The following VPS33A variants were observed in gnomAD, a reference collection of about 807,000 sequenced individuals.
The protein encoded by VPS33A is VPS33A core subunit of CORVET and HOPS complexes, also known as vacuolar protein sorting-associated protein 33A.
In VPS33A, 32 loss-of-function variants were observed where a neutral mutation model predicts 71.8. That is an observed-to-expected ratio of 0.45 (90% CI 0.34 to 0.60). The LOEUF is 0.60. Among genes scored for constraint, VPS33A ranks in the 20% least tolerant of loss-of-function variants. The pLI is 0.02. For missense variants in VPS33A, 625 were observed against 748.5 expected (o/e 0.84, Z 1.92); for synonymous variants, 311 against 292.7 (o/e 1.06, Z -0.64).
chr12:122,254,172 T>C (rs1954883291), intron 4 of VPS33A, among the ~76,000 whole-genome samples: 1 of 152,128 alleles, frequency 6.6e-6, no homozygotes, highest in South Asian at 2.1e-4. Flanking sequence ...AATTCCCACA[T>C]TTTACACAGA....
chr12:122,262,355 T>C (rs984211698), intron 3 of VPS33A, among the ~76,000 whole-genome samples: 5 of 152,298 alleles, frequency 3.3e-5, no homozygotes, highest in Admixed American at 2.0e-4. Context: ...TTGATTGAAA[T>C]AGGATATCTG....
At chr12:122,249,140 GCAGA>G in intron 6 of VPS33A, 1 of 152,206 alleles carries the variant, frequency 6.6e-6, no homozygotes, top group South Asian at 2.1e-4. Flanking sequence ...ACATACATAT[GCAGA>G]CACATATATA....
Position 122,254,271 on chromosome 12 carries a change from G to A in VPS33A, c.484-3172C>T, listed in dbSNP as rs571162118. Among the ~76,000 whole-genome samples, 51 of 152,116 alleles carry A rather than the reference G, an allele frequency of 3.4e-4. 1 individual carries two copies. The highest frequency in any genetic ancestry group is 1.2e-3 in the African/African-American group (49 of 41,502). On this transcript the variant is annotated intron_variant, in intron 4 of 12. Transcript: ENST00000267199. Reference sequence around the variant, plus strand: ...AGCCAATCACAGAAATACGATTAACGTCATCTCCACCAAAAATCGGGGCTG... The same window carrying A: ...AGCCAATCACAGAAATACGATTAACATCATCTCCACCAAAAATCGGGGCTG...
intron 1 of VPS33A, among the ~76,000 whole-genome samples, chr12:122,264,433 C>G (rs1283866182): frequency 6.6e-6 from 1 of 152,098 alleles, no homozygotes; most frequent in Non-Finnish European, 1.5e-5. Flanking sequence ...CTGTGTTGCC[C>G]AGGCTAGCGT....
chr12:122,240,159 C>T (rs1196778241), intron 8 of VPS33A, among the ~76,000 whole-genome samples: 1 of 151,986 alleles, frequency 6.6e-6, no homozygotes, highest in African/African-American at 2.4e-5. Flanking sequence ...CAAACCCCAT[C>T]TCTACCAAAA....
chr12:122,252,051 A>T (rs563589263), intron 4 of VPS33A, among the ~76,000 whole-genome samples: 1 of 152,062 alleles, frequency 6.6e-6, no homozygotes, highest in East Asian at 1.9e-4. Flanking sequence ...TGAGCTCTTG[A>T]GTTTGAGACC....
chr12:122,236,065 C>T, intron 10 of VPS33A, 142 bp from the exon 11 acceptor site: 5 of 1,018,078 alleles, frequency 4.9e-6, no homozygotes, highest in Non-Finnish European at 7.1e-6. Flanking sequence ...TGGATGGGCA[C>T]AGAGGACAGG....
At chr12:122,261,470 T>C (rs1271818392) in intron 3 of VPS33A, 23 bp from the exon 4 acceptor site, 1 of 1,611,842 alleles carries the variant, frequency 6.2e-7, no homozygotes, top group Non-Finnish European at 8.5e-7. Flanking sequence ...CAACATTTGT[T>C]AGCTTATGAG....
intron 1 of VPS33A, among the ~76,000 whole-genome samples, chr12:122,264,468 G>A (rs778968472): frequency 3.9e-5 from 6 of 152,116 alleles, no homozygotes; most frequent in Non-Finnish European, 7.4e-5. Flanking sequence ...TCAGCGTACT[G>A]CAACCTCTGC....
rs1435309862 is a variant in VPS33A, at chr12:122,238,835, GTTTA to G, written c.1165-115_1165-112del. ...ACATGGTTTAGGAACTTAACTTGAT[GTTTA>G]TTATTATTTTTCAAAGTCCAATAAA... On this transcript the variant is annotated intron_variant, in intron 9 of 12. Transcript: ENST00000267199. 7.8e-6 allele frequency: 9 copies of G among 1,154,378 alleles called. No individual in the cohort carries two copies. In the South Asian group the frequency reaches 1.3e-4, roughly 16 times the overall value. The allele number at this position is 1,154,378 out of a possible 1,614,324, so 71.5% of individuals were successfully genotyped here. A position where few individuals can be genotyped will look rare whatever the true frequency, so the allele number is the denominator to read the frequency against.
Position 122,264,092 on chromosome 12 carries a change from AG to A in VPS33A, c.168+41del, listed in dbSNP as rs754075774. The A allele has an allele frequency of 1.3e-5, 19 of 1,449,112 alleles. No homozygotes were observed. In the South Asian group the frequency reaches 2.3e-4, roughly 18 times the overall value. 89.8% of individuals were successfully genotyped at this position (1,449,112 alleles called of 1,614,324 possible). On this transcript the variant is annotated intron_variant, in intron 2 of 12. Transcript: ENST00000267199. The stretch of plus-strand genomic sequence containing the variant: ...AATCCTATTGTAACTGCTAAAGTAC[AG>A]AATTATTAATCCCCTAACAAAACCC...
chr12:122,241,835 T>C (rs907253814), intron 8 of VPS33A, among the ~76,000 whole-genome samples: 6 of 152,000 alleles, frequency 3.9e-5, no homozygotes, highest in African/African-American at 1.2e-4. Flanking sequence ...TCAAGTGATC[T>C]GCCTGCCTCA....
chr12:122,245,353 A>T (rs1954763686), intron 6 of VPS33A, among the ~76,000 whole-genome samples: 1 of 152,042 alleles, frequency 6.6e-6, no homozygotes, highest in Non-Finnish European at 1.5e-5. Context: ...TACATTTCTT[A>T]CTGTGGATTG....
At chr12:122,250,767 T>C (rs1566046304) in intron 5 of VPS33A, among the ~76,000 whole-genome samples, 1 of 152,158 alleles carries the variant, frequency 6.6e-6, no homozygotes, top group Non-Finnish European at 1.5e-5. Flanking sequence ...TGCGCAGTGG[T>C]TACTCAAACT....
chr12:122,265,814 T>C (rs1955060658), intron 1 of VPS33A: 15 of 426,072 alleles, frequency 3.5e-5, no homozygotes, highest in South Asian at 2.4e-4. Flanking sequence ...AAAAGGGTGC[T>C]ACTAGAGAAG....
rs73421716 is a variant in VPS33A, at chr12:122,230,233, A to G, written c.*2013T>C. The G allele has an allele frequency of 2.6e-5, 4 of 152,180 alleles. No individual in the cohort carries two copies. The highest frequency in any genetic ancestry group is 9.7e-5 in the African/African-American group (4 of 41,440). 9.4% of individuals were successfully genotyped at this position (152,180 alleles called of 1,614,324 possible). A position where few individuals can be genotyped will look rare whatever the true frequency, so the allele number is the denominator to read the frequency against. On this transcript the variant is annotated 3_prime_UTR_variant, in exon 13 of 13. Transcript: ENST00000267199. ...TCATTCTTTCATTAAAGAGATTTTT[A>G]AAAAAGTATACAGAATTTCTCTTTC...
At chr12:122,235,733 T>C in intron 11 of VPS33A, 53 bp downstream of exon 11, 2 of 1,544,560 alleles carry the variant, frequency 1.3e-6, no homozygotes, top group Non-Finnish European at 1.7e-6. Flanking sequence ...TGTTGTCACC[T>C]GGACGATCTA....
At chr12:122,235,650 A>C (rs1161613184) in intron 11 of VPS33A, 136 bp downstream of exon 11, 2 of 1,167,794 alleles carry the variant, frequency 1.7e-6, no homozygotes, top group Non-Finnish European at 2.4e-6. Flanking sequence ...CAATACATGC[A>C]TACATTACTT....
intron 5 of VPS33A, among the ~76,000 whole-genome samples, chr12:122,250,698 G>T (rs1165501198): frequency 1.3e-5 from 2 of 152,164 alleles, no homozygotes; most frequent in Non-Finnish European, 2.9e-5. Flanking sequence ...AAGTACACTT[G>T]TTTGCAGTCT....
Sources: allele counts gnomAD v4.1 joint callset (sites outside exome capture counted in the v4.1 genomes callset), GRCh38; gene constraint gnomAD v4.1.1; transcripts MANE v1.5; gene names NCBI Gene and HGNC (gene_info 2026-07-23, HGNC 2026-07-21).